Variants in PRELID2 observed in about 807,000 individuals in gnomAD.
PRELID2 encodes PRELI domain containing 2, also known as PRELI domain-containing protein 2.
PRELID2 carries 25 observed loss-of-function variants against 28.4 expected under a neutral mutation model. The ratio of observed to expected loss-of-function variants is 0.88; its 90% confidence interval spans 0.64 to 1.23. PRELID2 has a LOEUF of 1.23. Ranked by LOEUF, PRELID2 falls within the 50% of genes most tolerant of loss-of-function variation. PRELID2 has a pLI of 0.00. For missense variants in PRELID2, 201 were observed against 214.4 expected (o/e 0.94, Z 0.39); for synonymous variants, 76 against 71.6 (o/e 1.06, Z -0.31).
the PRELID2 span, among the ~76,000 whole-genome samples, chr5:145,310,729 A>G: frequency 2.6e-5 from 4 of 152,160 alleles, no homozygotes; most frequent in South Asian, 8.3e-4. Flanking sequence ...AAGGTTTTCC[A>G]CAGTAGTTAT....
At chr5:145,668,419 T>C (rs777052628) in intron 1 of PRELID2, among the ~76,000 whole-genome samples, 1 of 151,338 alleles carries the variant, frequency 6.6e-6, no homozygotes, top group Non-Finnish European at 1.5e-5. Context: ...CATGTCCCTA[T>C]AGATACCCAA....
At chr5:145,411,752 G>A in the PRELID2 span, among the ~76,000 whole-genome samples, 1 of 152,180 alleles carries the variant, frequency 6.6e-6, no homozygotes, top group Admixed American at 6.5e-5. Context: ...TGCACTAGAG[G>A]AGGTTCTCCA....
At chr5:145,770,979 AG>A (rs1480438588) in intron 5 of PRELID2, among the ~76,000 whole-genome samples, 2 of 152,150 alleles carry the variant, frequency 1.3e-5, no homozygotes, top group Non-Finnish European at 2.9e-5. Flanking sequence ...CTAAGTGCAA[AG>A]GGTTTATAAA....
chr5:145,665,215 A>C (rs1179954945), intron 1 of PRELID2, among the ~76,000 whole-genome samples: 1 of 152,110 alleles, frequency 6.6e-6, no homozygotes, highest in East Asian at 1.9e-4. Flanking sequence ...AACACAAGAG[A>C]GTTTCAGTCC....
intron 1 of PRELID2, chr5:145,728,374 CT>C: frequency 1.5e-5 from 6 of 411,696 alleles, no homozygotes; most frequent in South Asian, 5.9e-5. Flanking sequence ...TCCTGGAAAC[CT>C]TTTTTATGGC....
chr5:145,697,526 T>C (rs1451840807), intron 1 of PRELID2, among the ~76,000 whole-genome samples: 1 of 152,206 alleles, frequency 6.6e-6, no homozygotes, highest in Non-Finnish European at 1.5e-5. Flanking sequence ...ACAGCATTTC[T>C]CTACGCCATG....
chr5:145,749,654 C>T (rs939594853), intron 1 of PRELID2, among the ~76,000 whole-genome samples: 1 of 152,110 alleles, frequency 6.6e-6, no homozygotes, highest in Non-Finnish European at 1.5e-5. Flanking sequence ...ACTATAAAGA[C>T]ACAGGCACAT....
intron 1 of PRELID2, among the ~76,000 whole-genome samples, chr5:145,832,995 G>A (rs947759588): frequency 1.5e-5 from 2 of 129,252 alleles, no homozygotes; most frequent in South Asian, 5.2e-4. Flanking sequence ...GTTCATTTGC[G>A]CATCATTTAT....
chr5:145,585,341 T>A (rs1411362948), intron 1 of PRELID2, among the ~76,000 whole-genome samples: 2 of 152,038 alleles, frequency 1.3e-5, no homozygotes, highest in African/African-American at 4.8e-5. Flanking sequence ...GATGCTGGGC[T>A]TAATACCTAG....
At chr5:145,609,676 CCATCCAAGTGCTTCCCAGAAGAA>C (rs1361609438) in intron 1 of PRELID2, among the ~76,000 whole-genome samples, 2 of 152,238 alleles carry the variant, frequency 1.3e-5, no homozygotes, top group East Asian at 1.9e-4. Context: ...ACCCACCTTG[CCATCCAAGTGCTTCCCAGAAGAA>C]CAGGAGGCTG....
intron 1 of PRELID2, among the ~76,000 whole-genome samples, chr5:145,693,375 T>C (rs983615775): frequency 6.6e-6 from 1 of 151,996 alleles, no homozygotes; most frequent in Non-Finnish European, 1.5e-5. Flanking sequence ...CTCAAACTCC[T>C]GAGCTCAAGC....
chr5:145,801,244 T>C (rs1753120906), intron 4 of PRELID2, among the ~76,000 whole-genome samples: 1 of 152,202 alleles, frequency 6.6e-6, no homozygotes, highest in African/African-American at 2.4e-5. Context: ...TTTTAAACCA[T>C]TTTCAGCAAC....
At chr5:145,636,069 A>G (rs560263226) in intron 1 of PRELID2, among the ~76,000 whole-genome samples, 2 of 152,342 alleles carry the variant, frequency 1.3e-5, no homozygotes, top group Admixed American at 1.3e-4. Flanking sequence ...GGCACAACAC[A>G]TTACCACATC....
At chr5:145,754,944 A>G (rs1757218364), downstream of PRELID2, among the ~76,000 whole-genome samples, 1 of 152,208 alleles carries the variant, frequency 6.6e-6, no homozygotes, top group South Asian at 2.1e-4. Context: ...TGACTGAAAA[A>G]TTAATGTTGA....
At chr5:145,421,211 C>A in the PRELID2 span, among the ~76,000 whole-genome samples, 1 of 149,650 alleles carries the variant, frequency 6.7e-6, no homozygotes, top group African/African-American at 2.5e-5. Context: ...TGTTGTGTCT[C>A]TGCCTGGCTT....
the PRELID2 span, among the ~76,000 whole-genome samples, chr5:145,263,738 T>C: frequency 4.0e-5 from 6 of 151,252 alleles, no homozygotes; most frequent in African/African-American, 1.5e-4. Flanking sequence ...CTAGAAAACC[T>C]AGAGAAGACC....
At chr5:145,410,410 A>C in the PRELID2 span, among the ~76,000 whole-genome samples, 1 of 152,214 alleles carries the variant, frequency 6.6e-6, no homozygotes, top group Admixed American at 6.5e-5. Flanking sequence ...TTTGCAAACT[A>C]TGTGTATTAG....
chr5:145,788,750 T>G (rs758741548), intron 5 of PRELID2, among the ~76,000 whole-genome samples: 1 of 151,752 alleles, frequency 6.6e-6, no homozygotes, highest in East Asian at 1.9e-4. Context: ...CATGATCTTA[T>G]ATATATATAT....
intron 1 of PRELID2, among the ~76,000 whole-genome samples, chr5:145,697,078 T>TATAC (rs1554084258): frequency 2.1e-4 from 21 of 98,908 alleles, no homozygotes; most frequent in African/African-American, 2.5e-4. Flanking sequence ...TATATATATA[T>TATAC]ATACACACAC....
Sources: gnomAD v4.1 joint callset for allele counts (sites outside exome capture counted in the v4.1 genomes callset) on GRCh38, gnomAD v4.1.1 for gene constraint, MANE v1.5 for transcripts, NCBI Gene and HGNC (gene_info 2026-07-23, HGNC 2026-07-21) for gene names.